TENM2: variants seen among roughly 807,000 people sequenced by gnomAD.
TENM2 encodes teneurin-2.
In TENM2, 52 loss-of-function variants were observed where a neutral mutation model predicts 245.2. The observed-to-expected ratio is 0.21, with a 90% CI of 0.17 to 0.27. The LOEUF is 0.27. Ranked by LOEUF, TENM2 falls within the 10% of genes least tolerant of loss-of-function variation. The probability of loss-of-function intolerance (pLI) is 1.00; values close to 1 mark genes in which losing one functional copy is unlikely to be tolerated. For missense variants in TENM2, 3,046 were observed against 3,666.8 expected (o/e 0.83, Z 4.37); for synonymous variants, 1,363 against 1,438.9 (o/e 0.95, Z 1.19).
At chr5:167,650,496 C>T (rs1225101034) in intron 2 of TENM2, among the ~76,000 whole-genome samples, 1 of 152,090 alleles carries the variant, frequency 6.6e-6, no homozygotes, top group African/African-American at 2.4e-5. Flanking sequence ...TAGAAGAGTG[C>T]TAACTAGGGC....
intron 13 of TENM2, among the ~76,000 whole-genome samples, chr5:168,166,293 T>C (rs1164368486): frequency 6.6e-6 from 1 of 152,108 alleles, no homozygotes; most frequent in African/African-American, 2.4e-5. Context: ...AATAGAGCTA[T>C]CTACCAAAGT....
At chr5:167,128,553 TA>T in the TENM2 span, among the ~76,000 whole-genome samples, 886 of 131,566 alleles carry the variant, frequency 6.7e-3, 3 homozygotes, top group Middle Eastern at 0.022. Flanking sequence ...AGACTTTCAT[TA>T]AAAAAAAAAA....
chr5:167,454,790 C>A (rs577058182), intron 2 of TENM2, among the ~76,000 whole-genome samples: 1 of 152,160 alleles, frequency 6.6e-6, no homozygotes. Context: ...GGGACTCCTA[C>A]GGGCTTGGTT....
At chr5:167,203,886 C>A in the TENM2 span, among the ~76,000 whole-genome samples, 1 of 150,496 alleles carries the variant, frequency 6.6e-6, no homozygotes, top group Non-Finnish European at 1.5e-5. Context: ...GAAGAAAAAA[C>A]AGAGAGAAAG....
intron 2 of TENM2, among the ~76,000 whole-genome samples, chr5:167,792,897 G>A (rs1227540413): frequency 6.6e-6 from 1 of 152,156 alleles, no homozygotes; most frequent in Non-Finnish European, 1.5e-5. Flanking sequence ...CCCCTCTGAG[G>A]TTTCGGTCCC....
At chr5:167,598,483 A>T (rs1169858931) in intron 2 of TENM2, among the ~76,000 whole-genome samples, 1 of 152,252 alleles carries the variant, frequency 6.6e-6, no homozygotes, top group Non-Finnish European at 1.5e-5. Flanking sequence ...GCTGCAAAGA[A>T]TAATCTTTCT....
At chr5:167,060,891 T>C in the TENM2 span, among the ~76,000 whole-genome samples, 2 of 152,052 alleles carry the variant, frequency 1.3e-5, no homozygotes, top group African/African-American at 4.8e-5. Flanking sequence ...ACATCACAGG[T>C]ATGGACTCTC....
intron 2 of TENM2, among the ~76,000 whole-genome samples, chr5:167,411,674 G>A (rs768254979): frequency 9.2e-5 from 14 of 151,526 alleles, no homozygotes; most frequent in Non-Finnish European, 2.1e-4. Context: ...TATCTCTACA[G>A]GATTCCAGGA....
intron 2 of TENM2, among the ~76,000 whole-genome samples, chr5:167,551,465 C>A (rs931130750): frequency 6.6e-6 from 1 of 152,058 alleles, no homozygotes; most frequent in Non-Finnish European, 1.5e-5. Flanking sequence ...CAACAGTAAA[C>A]CATAAAGAAG....
intron 2 of TENM2, among the ~76,000 whole-genome samples, chr5:167,384,441 T>G (rs955035398): frequency 1.3e-5 from 2 of 152,098 alleles, no homozygotes; most frequent in African/African-American, 2.4e-5. Flanking sequence ...ATGATGATTT[T>G]TCAGGGGACA....
chr5:168,157,324 G>A (rs1757272401), intron 12 of TENM2, among the ~76,000 whole-genome samples: 1 of 152,160 alleles, frequency 6.6e-6, no homozygotes, highest in Admixed American at 6.5e-5. Flanking sequence ...TATGAAGTCA[G>A]CAAGCCCAAT....
chr5:167,749,618 A>G (rs958258815), intron 2 of TENM2, among the ~76,000 whole-genome samples: 9 of 139,038 alleles, frequency 6.5e-5, no homozygotes, highest in African/African-American at 2.4e-4. Flanking sequence ...AGCCTGGGTG[A>G]AAGAGCTAAA....
chr5:167,704,602 A>G (rs866305617), intron 2 of TENM2, among the ~76,000 whole-genome samples: 22 of 152,228 alleles, frequency 1.4e-4, no homozygotes, highest in South Asian at 6.2e-4. Flanking sequence ...AGAAATAGCA[A>G]TGAAGGAAGA....
chr5:167,909,297 T>C (rs1776363425), intron 3 of TENM2, among the ~76,000 whole-genome samples: 2 of 152,214 alleles, frequency 1.3e-5, no homozygotes, highest in Admixed American at 1.3e-4. Context: ...TGACTTACTT[T>C]CACGGTATTA....
chr5:167,364,947 T>C (rs1422107785), intron 1 of TENM2, among the ~76,000 whole-genome samples: 1 of 152,088 alleles, frequency 6.6e-6, no homozygotes, highest in Non-Finnish European at 1.5e-5. Flanking sequence ...AAAACGTTGT[T>C]GACCACCTTG....
At chr5:167,241,374 T>C in the TENM2 span, among the ~76,000 whole-genome samples, 1 of 152,130 alleles carries the variant, frequency 6.6e-6, no homozygotes, top group African/African-American at 2.4e-5. Flanking sequence ...CTGGAAGCAA[T>C]ATATAGGGTA....
chr5:168,218,706 T>G lies in TENM2; in HGVS notation c.4815T>G (p.Thr1605=). 6.2e-7 allele frequency: 1 copy of G among 1,614,046 alleles called. No homozygotes were observed. Among genetic ancestry groups the G allele is most frequent in the East Asian group, 2.2e-5 (1 of 44,884 alleles). ...ACGCTGATGGCATCCACCAATACACTGTGAGCCTGGTGACAGGGGAGTACT... is the reference window on the plus strand; with the variant it reads ...ACGCTGATGGCATCCACCAATACACGGTGAGCCTGGTGACAGGGGAGTACT... The change falls in exon 23 of 29, where the codon ACT becomes ACG. Residue 1605 remains threonine (T), a synonymous_variant. Transcript: ENST00000518659. The surrounding 1 kb of genome is among the most constrained non-coding windows in gnomAD (Gnocchi z 5.2).
the TENM2 span, among the ~76,000 whole-genome samples, chr5:167,169,905 A>G: frequency 6.6e-6 from 1 of 152,168 alleles, no homozygotes; most frequent in Non-Finnish European, 1.5e-5. Context: ...TATCTGATGT[A>G]AGCATCACAG....
intron 16 of TENM2, 115 bp downstream of exon 18, chr5:168,199,229 G>A: frequency 8.7e-7 from 1 of 1,146,296 alleles, no homozygotes; most frequent in Non-Finnish European, 1.2e-6. Context: ...TAAAAAAAGT[G>A]GGAGCATAAT....
Sources: allele counts gnomAD v4.1 joint callset (sites outside exome capture counted in the v4.1 genomes callset), GRCh38; gene constraint gnomAD v4.1.1; non-coding constraint Gnocchi (gnomAD v3.1); transcripts MANE v1.5; gene names NCBI Gene and HGNC (gene_info 2026-07-23, HGNC 2026-07-21).